PPP2R2B: variants seen among roughly 807,000 people sequenced by gnomAD.
PPP2R2B encodes serine/threonine-protein phosphatase 2A 55 kDa regulatory subunit B beta isoform.
A neutral mutation model predicts 46.0 loss-of-function variants in PPP2R2B; 5 were observed. That is an observed-to-expected ratio of 0.11 (90% CI 0.06 to 0.23). The LOEUF is 0.23. Among genes scored for constraint, PPP2R2B ranks in the 10% least tolerant of loss-of-function variants. The pLI, the probability that PPP2R2B is intolerant of heterozygous loss-of-function variation, is 1.00. For missense variants in PPP2R2B, 367 were observed against 575.0 expected (o/e 0.64, Z 3.70); for synonymous variants, 215 against 206.7 (o/e 1.04, Z -0.34).
At chr5:146,661,696 C>T (rs1350114706) in intron 5 of PPP2R2B, among the ~76,000 whole-genome samples, 1 of 152,042 alleles carries the variant, frequency 6.6e-6, no homozygotes, top group East Asian at 1.9e-4. Flanking sequence ...GGAAAGATAC[C>T]TTTTTCTCAG....
intron 5 of PPP2R2B, among the ~76,000 whole-genome samples, chr5:146,680,159 T>C (rs1778050239): frequency 6.7e-6 from 1 of 150,282 alleles, no homozygotes; most frequent in Admixed American, 6.6e-5. Context: ...TGTCCAACAA[T>C]GATAGACTGG....
intron 2 of PPP2R2B, among the ~76,000 whole-genome samples, chr5:146,758,214 A>C (rs1026341575): frequency 6.6e-6 from 1 of 152,156 alleles, no homozygotes; most frequent in Admixed American, 6.5e-5. Flanking sequence ...CAAATGATAG[A>C]TAACCAAAAT....
chr5:146,975,853 G>C (rs933901249), intron 1 of PPP2R2B, among the ~76,000 whole-genome samples: 5 of 151,880 alleles, frequency 3.3e-5, no homozygotes, highest in African/African-American at 1.2e-4. Flanking sequence ...AGTTGTAGGA[G>C]TTCTTTACAT....
chr5:146,839,707 G>A (rs1171399647), intron 2 of PPP2R2B, among the ~76,000 whole-genome samples: 1 of 152,198 alleles, frequency 6.6e-6, no homozygotes, highest in South Asian at 2.1e-4. Context: ...TGGAGAGTCA[G>A]CTTTACATTA....
intron 1 of PPP2R2B, among the ~76,000 whole-genome samples, chr5:147,025,473 A>C (rs902960505): frequency 2.7e-4 from 41 of 151,962 alleles, no homozygotes; most frequent in African/African-American, 8.9e-4. Flanking sequence ...TAAAAAAAAA[A>C]CCCCGAAATA....
Position 147,028,883 on chromosome 5 carries a change from G to A in PPP2R2B, c.79+26782C>T, listed in dbSNP as rs142078310. On this transcript the variant is annotated intron_variant, in intron 1 of 8. Coordinates refer to the PPP2R2B transcript ENST00000336640. ...TTCTAGCCATTCTGATCAGTATGTCGTGGTATTCCATTGTGGCTTTAATGT... is the reference window on the plus strand; with the variant it reads ...TTCTAGCCATTCTGATCAGTATGTCATGGTATTCCATTGTGGCTTTAATGT... Among the ~76,000 whole-genome samples the A allele has an allele frequency of 1.5e-3, 228 of 152,244 alleles. 1 individual carries two copies. Among genetic ancestry groups the A allele is most frequent in the African/African-American group, 3.9e-3 (163 of 41,546 alleles).
intron 2 of PPP2R2B, among the ~76,000 whole-genome samples, chr5:146,811,766 A>G (rs1582162051): frequency 7.7e-6 from 1 of 129,198 alleles, no homozygotes; most frequent in East Asian, 2.2e-4. Context: ...ACGGGGTTTC[A>G]CCTTGTTAGC....
intron 9 of PPP2R2B, chr5:146,592,114 C>T (rs891295936): frequency 2.3e-6 from 1 of 443,132 alleles, no homozygotes; most frequent in Non-Finnish European, 4.5e-6. Context: ...GTTCTTATGT[C>T]ACAGTTGCTT....
At chr5:146,908,040 G>A (rs75684262) in intron 1 of PPP2R2B, among the ~76,000 whole-genome samples, 3,183 of 152,224 alleles carry the variant, frequency 0.021, 87 homozygotes, top group East Asian at 0.067. Flanking sequence ...CCACAGCCAC[G>A]TTCTTTACAT....
chr5:146,797,698 C>G (rs541523564), intron 2 of PPP2R2B, among the ~76,000 whole-genome samples: 9 of 152,192 alleles, frequency 5.9e-5, no homozygotes, highest in Non-Finnish European at 1.3e-4. Context: ...GTCTGGTGAG[C>G]TCCAAATTAA....
intron 2 of PPP2R2B, among the ~76,000 whole-genome samples, chr5:146,809,647 C>T (rs1241547747): frequency 1.3e-5 from 2 of 152,062 alleles, no homozygotes; most frequent in African/African-American, 2.4e-5. Context: ...GAGTGGGCCA[C>T]GAGGCTGTGG....
chr5:147,007,074 G>C (rs1754473011), intron 1 of PPP2R2B, among the ~76,000 whole-genome samples: 1 of 152,132 alleles, frequency 6.6e-6, no homozygotes, highest in African/African-American at 2.4e-5. Flanking sequence ...TCAAGCTACA[G>C]ATGGTCTTAC....
intron 7 of PPP2R2B, among the ~76,000 whole-genome samples, 176 bp from the exon 8 acceptor site, chr5:146,600,636 C>G (rs1771691721): frequency 6.6e-6 from 1 of 152,092 alleles, no homozygotes; most frequent in South Asian, 2.1e-4. Flanking sequence ...AAAAAGCTGT[C>G]ATTAGTTTCT....
At chr5:147,002,215 C>T (rs551225268) in intron 1 of PPP2R2B, among the ~76,000 whole-genome samples, 4 of 152,196 alleles carry the variant, frequency 2.6e-5, no homozygotes, top group South Asian at 4.1e-4. Context: ...CTGGGCTCAC[C>T]GATCAGAAAG....
At chr5:146,733,064 G>A (rs1752325421) in intron 2 of PPP2R2B, among the ~76,000 whole-genome samples, 1 of 152,162 alleles carries the variant, frequency 6.6e-6, no homozygotes, top group Non-Finnish European at 1.5e-5. Flanking sequence ...ACAGGATATA[G>A]GGGAGAATAT....
At chr5:147,032,425 G>T (rs1755828908) in intron 1 of PPP2R2B, among the ~76,000 whole-genome samples, 1 of 152,070 alleles carries the variant, frequency 6.6e-6, no homozygotes, top group Non-Finnish European at 1.5e-5. Context: ...AAGTTCTTTA[G>T]TGGTGATTTG....
intron 7 of PPP2R2B, among the ~76,000 whole-genome samples, chr5:146,628,470 C>T (rs970189802): frequency 7.9e-5 from 12 of 152,190 alleles, no homozygotes; most frequent in African/African-American, 2.4e-4. Flanking sequence ...AGGATTGGTG[C>T]TGCAGGGCAG....
intron 5 of PPP2R2B, among the ~76,000 whole-genome samples, chr5:146,671,398 G>T (rs759139956): frequency 2.0e-5 from 3 of 152,146 alleles, no homozygotes; most frequent in African/African-American, 4.8e-5. Flanking sequence ...TGAGTTATTT[G>T]CATAAACAAA....
intron 2 of PPP2R2B, among the ~76,000 whole-genome samples, chr5:146,842,481 CTTTTTTTTTT>C (rs1290808345): frequency 7.4e-6 from 1 of 135,256 alleles, no homozygotes; most frequent in Non-Finnish European, 1.6e-5. Context: ...CCTCCATGCC[CTTTTTTTTTT>C]TTTTTTTTAA....
Sources: gnomAD v4.1 joint callset for allele counts (sites outside exome capture counted in the v4.1 genomes callset) on GRCh38, gnomAD v4.1.1 for gene constraint, MANE v1.5 for transcripts, NCBI Gene and HGNC (gene_info 2026-07-23, HGNC 2026-07-21) for gene names.